Variants in GLRA3 observed in about 807,000 individuals in gnomAD.
GLRA3 encodes glycine receptor alpha 3.
GLRA3 carries 44 observed loss-of-function variants against 60.4 expected under a neutral mutation model. The ratio of observed to expected loss-of-function variants is 0.73; its 90% confidence interval spans 0.57 to 0.94. The LOEUF (loss-of-function observed/expected upper bound fraction) is 0.94. Ranked by LOEUF, GLRA3 falls within the 40% of genes least tolerant of loss-of-function variation. The pLI, the probability that GLRA3 is intolerant of heterozygous loss-of-function variation, is 0.00. For missense variants in GLRA3, 508 were observed against 564.6 expected (o/e 0.90, Z 1.02); for synonymous variants, 223 against 192.9 (o/e 1.16, Z -1.29).
At chr4:174,781,383 C>G (rs997634179) in intron 2 of GLRA3, among the ~76,000 whole-genome samples, 11 of 148,266 alleles carry the variant, frequency 7.4e-5, no homozygotes, top group African/African-American at 2.7e-4. Context: ...AAATTGACAC[C>G]CTAACATCAC....
chr4:174,726,250 T>C (rs1447507238), intron 4 of GLRA3, among the ~76,000 whole-genome samples: 1 of 152,220 alleles, frequency 6.6e-6, no homozygotes, highest in Non-Finnish European at 1.5e-5. Context: ...GTGGTCTTCC[T>C]GGCTCTGTGA....
rs1029602575 is a variant in GLRA3, at chr4:174,709,700, C to G, written c.574+5788G>C. On this transcript the variant is annotated intron_variant, in intron 5 of 9. Coordinates refer to ENST00000274093, the MANE Select transcript of GLRA3 (RefSeq NM_006529.4). ...TTGAGATTTGAGGAATAAGCACATT[C>G]CCAGAGAGGCCTTTATAATTTGATA... Among the ~76,000 whole-genome samples, 6 of 152,136 alleles carry G rather than the reference C, an allele frequency of 3.9e-5. No individual in the cohort carries two copies. In the East Asian group the frequency reaches 1.2e-3, roughly 29 times the overall value.
At chr4:174,769,372 C>A (rs1457913504) in intron 2 of GLRA3, among the ~76,000 whole-genome samples, 1 of 152,012 alleles carries the variant, frequency 6.6e-6, no homozygotes, top group Non-Finnish European at 1.5e-5. Flanking sequence ...TTTACCCCAG[C>A]CAAACAATAG....
chr4:174,718,868 A>C (rs1261369129), intron 4 of GLRA3, among the ~76,000 whole-genome samples: 1 of 151,820 alleles, frequency 6.6e-6, no homozygotes, highest in African/African-American at 2.4e-5. Context: ...AGATGAGGAA[A>C]CTTAGAGGTT....
intron 4 of GLRA3, among the ~76,000 whole-genome samples, chr4:174,717,198 C>A (rs1240195238): frequency 9.3e-6 from 1 of 106,952 alleles, no homozygotes; most frequent in South Asian, 3.6e-4. Context: ...GGTGACAGAG[C>A]AAGATCTTGT....
intron 1 of GLRA3, among the ~76,000 whole-genome samples, chr4:174,799,765 T>C (rs978160982): frequency 1.3e-5 from 2 of 152,112 alleles, no homozygotes; most frequent in South Asian, 2.1e-4. Context: ...ATTAAATACA[T>C]CATTTTGGGA....
intron 1 of GLRA3, among the ~76,000 whole-genome samples, chr4:174,824,184 A>G (rs1740864366): frequency 6.6e-6 from 1 of 152,150 alleles, no homozygotes; most frequent in African/African-American, 2.4e-5. Context: ...TCCTCCAACT[A>G]TCCAAATCCT....
At chr4:174,713,009 T>C (rs1188887041) in intron 5 of GLRA3, among the ~76,000 whole-genome samples, 1 of 151,916 alleles carries the variant, frequency 6.6e-6, no homozygotes, top group Non-Finnish European at 1.5e-5. Context: ...TGTGTATGTA[T>C]ATGTAATTGT....
chr4:174,703,876 A>G (rs925814457), intron 5 of GLRA3, among the ~76,000 whole-genome samples: 4 of 152,186 alleles, frequency 2.6e-5, no homozygotes, highest in African/African-American at 9.6e-5. Flanking sequence ...GAGATTGAAC[A>G]CCAGGGTCCT....
intron 1 of GLRA3, among the ~76,000 whole-genome samples, chr4:174,826,183 C>T (rs567717561): frequency 1.3e-5 from 2 of 152,160 alleles, no homozygotes; most frequent in Admixed American, 1.3e-4. Flanking sequence ...TACCCAAATA[C>T]CCATCAACAG....
At chr4:174,717,049 T>A (rs904495338) in intron 4 of GLRA3, among the ~76,000 whole-genome samples, 6 of 150,072 alleles carry the variant, frequency 4.0e-5, no homozygotes, top group Non-Finnish European at 8.9e-5. Flanking sequence ...AATATATATA[T>A]ATATATATTT....
chr4:174,657,899 G>A (rs755419612), intron 8 of GLRA3, among the ~76,000 whole-genome samples: 6 of 152,012 alleles, frequency 3.9e-5, no homozygotes, highest in African/African-American at 1.4e-4. Flanking sequence ...TTCTTTCCAC[G>A]TAGCTGTTAA....
chr4:174,664,522 ACTCT>A (rs1733581103), intron 7 of GLRA3, among the ~76,000 whole-genome samples: 2 of 151,876 alleles, frequency 1.3e-5, no homozygotes, highest in Admixed American at 6.6e-5. Flanking sequence ...GAGGCTTCTC[ACTCT>A]CTCTTTTCAA....
chr4:174,690,646 C>A (rs541628782), intron 5 of GLRA3, among the ~76,000 whole-genome samples: 1 of 152,028 alleles, frequency 6.6e-6, no homozygotes, highest in Non-Finnish European at 1.5e-5. Context: ...TTTTCTGGGC[C>A]TCTCCCTTCT....
chr4:174,665,705 A>C (rs1733642531), intron 7 of GLRA3, among the ~76,000 whole-genome samples: 1 of 152,158 alleles, frequency 6.6e-6, no homozygotes, highest in African/African-American at 2.4e-5. Flanking sequence ...CCACTTATGT[A>C]TCTTCTGCTT....
chr4:174,805,803 A>G (rs549855563), intron 1 of GLRA3, among the ~76,000 whole-genome samples: 1 of 152,304 alleles, frequency 6.6e-6, no homozygotes, highest in East Asian at 1.9e-4. Flanking sequence ...ATTTTTATGG[A>G]TATTATAGAA....
chr4:174,735,793 C>G (rs542053450), intron 3 of GLRA3, among the ~76,000 whole-genome samples: 2 of 152,224 alleles, frequency 1.3e-5, no homozygotes, highest in South Asian at 4.1e-4. Context: ...AACTCCTGAC[C>G]TCAGGTGATA....
intron 9 of GLRA3, among the ~76,000 whole-genome samples, chr4:174,649,751 G>A (rs774771687): frequency 1.3e-5 from 2 of 152,070 alleles, no homozygotes; most frequent in Admixed American, 6.6e-5. Context: ...AGTTTTGGAC[G>A]CAAAACTCTA....
At chr4:174,828,386 T>G (rs1741064674) in intron 1 of GLRA3, among the ~76,000 whole-genome samples, 1 of 152,200 alleles carries the variant, frequency 6.6e-6, no homozygotes, top group African/African-American at 2.4e-5. Flanking sequence ...ATACTAAATG[T>G]TTTGTAACTT....
Sources: gnomAD v4.1 joint callset for allele counts (sites outside exome capture counted in the v4.1 genomes callset) on GRCh38, gnomAD v4.1.1 for gene constraint, MANE v1.5 for transcripts, NCBI Gene and HGNC (gene_info 2026-07-23, HGNC 2026-07-21) for gene names.